The following EIF5B variants were observed in gnomAD, a reference collection of about 807,000 sequenced individuals.
The protein encoded by EIF5B is eIF-5B.
In EIF5B, 47 loss-of-function variants were observed where a neutral mutation model predicts 147.5. The observed-to-expected ratio is 0.32, with a 90% CI of 0.25 to 0.41. The LOEUF is 0.41. EIF5B is among the 10% of genes least tolerant of loss of function. EIF5B has a pLI of 1.00. For missense variants in EIF5B, 1,064 were observed against 1,413.2 expected (o/e 0.75, Z 3.96); for synonymous variants, 455 against 456.2 (o/e 1.00, Z 0.03).
chr2:99,351,396 C>T (rs958374916), intron 1 of EIF5B, among the ~76,000 whole-genome samples: 5 of 152,088 alleles, frequency 3.3e-5, no homozygotes, highest in Non-Finnish European at 7.4e-5. Flanking sequence ...TTCCTGATTT[C>T]GAGTAAAGCT....
At chr2:99,374,499 TTTTAGTATGGATCAG>T (rs1222858581) in intron 9 of EIF5B, among the ~76,000 whole-genome samples, 18 of 152,166 alleles carry the variant, frequency 1.2e-4, no homozygotes, top group African/African-American at 4.3e-4. Flanking sequence ...TTAGAGTTTT[TTTTAGTATGGATCAG>T]TTAGTAAGAC....
intron 14 of EIF5B, among the ~76,000 whole-genome samples, chr2:99,389,427 T>C (rs1674877926): frequency 6.6e-6 from 1 of 152,244 alleles, no homozygotes; most frequent in African/African-American, 2.4e-5. Flanking sequence ...TCCAACAATA[T>C]ACATTAATAG....
At chr2:99,349,608 CA>C (rs1489774590) in intron 1 of EIF5B, among the ~76,000 whole-genome samples, 1 of 152,070 alleles carries the variant, frequency 6.6e-6, no homozygotes, top group Non-Finnish European at 1.5e-5. Flanking sequence ...AAGTTGAGTA[CA>C]TGCCTGCACA....
At chr2:99,365,947 G>C (rs1407245882) in intron 6 of EIF5B, among the ~76,000 whole-genome samples, 2 of 152,030 alleles carry the variant, frequency 1.3e-5, no homozygotes, top group Non-Finnish European at 2.9e-5. Flanking sequence ...TTATTACCTA[G>C]AATATTGTAA....
chr2:99,373,156 G>A (rs544140784), intron 9 of EIF5B, among the ~76,000 whole-genome samples: 14 of 152,200 alleles, frequency 9.2e-5, no homozygotes, highest in African/African-American at 3.1e-4. Flanking sequence ...ATAGGTACAC[G>A]AGCTTTGATT....
At chr2:99,365,553 T>C (rs1036649007) in intron 6 of EIF5B, among the ~76,000 whole-genome samples, 4 of 152,188 alleles carry the variant, frequency 2.6e-5, no homozygotes, top group Admixed American at 2.6e-4. Context: ...TTGGAGAGGC[T>C]AAAAGCACCC....
intron 23 of EIF5B, 115 bp from the exon 24 acceptor site, chr2:99,399,192 T>A (rs1360136635): frequency 1.2e-5 from 13 of 1,040,858 alleles, no homozygotes. Flanking sequence ...GCAAGCCCTG[T>A]TTTTTATTTC....
At chr2:99,339,205 G>A (rs185762984) in intron 1 of EIF5B, among the ~76,000 whole-genome samples, 1 of 151,384 alleles carries the variant, frequency 6.6e-6, no homozygotes, top group Non-Finnish European at 1.5e-5. Flanking sequence ...TAGAGACGGG[G>A]TTACTCCATG....
At chr2:99,346,809 A>G (rs1448268870) in intron 1 of EIF5B, among the ~76,000 whole-genome samples, 6 of 151,168 alleles carry the variant, frequency 4.0e-5, no homozygotes, top group Non-Finnish European at 7.4e-5. Flanking sequence ...TGACCTTGTG[A>G]TCCACCCGCC....
At chr2:99,362,588 A>G (rs1456650225) in intron 4 of EIF5B, among the ~76,000 whole-genome samples, 2 of 151,710 alleles carry the variant, frequency 1.3e-5, no homozygotes, top group Non-Finnish European at 2.9e-5. Context: ...AGTCCCAGCT[A>G]CTCGGGAGGC....
chr2:99,383,485 A>T (rs1425145512), intron 14 of EIF5B, among the ~76,000 whole-genome samples: 2 of 152,184 alleles, frequency 1.3e-5, no homozygotes, highest in African/African-American at 4.8e-5. Context: ...CACACATAGA[A>T]TATCAGTCCA....
At chr2:99,360,023 T>A (rs1195260214) in intron 1 of EIF5B, among the ~76,000 whole-genome samples, 1 of 152,232 alleles carries the variant, frequency 6.6e-6, no homozygotes, top group Non-Finnish European at 1.5e-5. Flanking sequence ...TCATTATCTG[T>A]TCCTTATTTG....
intron 8 of EIF5B, 122 bp downstream of exon 8, chr2:99,369,603 C>A: frequency 1.5e-6 from 1 of 666,616 alleles, no homozygotes; most frequent in Non-Finnish European, 2.4e-6. Context: ...GGCTGGATGG[C>A]CCTCTTTCTT....
chr2:99,394,510 A>T lies in EIF5B; in HGVS notation c.3014A>T (p.Tyr1005Phe). Residue 1005 changes from tyrosine (Y) to phenylalanine (F), a missense_variant and splice_region_variant, in exon 20 of 24, where the codon TAT becomes TTT. Physicochemically the swap from Tyr to Phe is conservative, Grantham distance 22. Coordinates refer to ENST00000289371, the MANE Select transcript of EIF5B (RefSeq NM_015904.4). ...ACATGGAAACTCCCATTTTTTCAGT[A>T]TGCAGGAATTAACATTGGCCCAGTG... Reference protein sequence around the residue: ...LEFLKTSEVPYAGINIGPVHK... With the variant: ...LEFLKTSEVPFAGINIGPVHK... 1.9e-6 allele frequency: 3 copies of T among 1,613,928 alleles called. No homozygotes were observed. Among genetic ancestry groups the T allele is most frequent in the Non-Finnish European group, 1.7e-6 (2 of 1,179,962 alleles).
intron 1 of EIF5B, among the ~76,000 whole-genome samples, chr2:99,344,397 A>G (rs1188801895): frequency 6.8e-6 from 1 of 146,110 alleles, no homozygotes; most frequent in Non-Finnish European, 1.5e-5. Flanking sequence ...CAGTGTTGCC[A>G]CCACAGTTTG....
At chr2:99,360,419 T>C in intron 2 of EIF5B, 46 bp from the exon 3 acceptor site, 3 of 1,600,578 alleles carry the variant, frequency 1.9e-6, no homozygotes, top group Admixed American at 1.7e-5. Context: ...ATTCACTTAA[T>C]AAAAACTATA....
intron 9 of EIF5B, among the ~76,000 whole-genome samples, chr2:99,372,503 T>A (rs1456502326): frequency 3.3e-5 from 5 of 152,186 alleles, no homozygotes; most frequent in Non-Finnish European, 7.3e-5. Flanking sequence ...CACGCCCAGC[T>A]AATTTTGTAT....
chr2:99,372,330 A>G (rs956801755), intron 9 of EIF5B, among the ~76,000 whole-genome samples: 1 of 151,824 alleles, frequency 6.6e-6, no homozygotes, highest in Admixed American at 6.6e-5. Flanking sequence ...GTTTTACAAG[A>G]TTTATTTAGT....
intron 15 of EIF5B, 141 bp from the exon 16 acceptor site, chr2:99,390,078 T>C (rs1674892284): frequency 1.8e-6 from 2 of 1,100,170 alleles, no homozygotes; most frequent in Non-Finnish European, 1.3e-6. Context: ...TTAATGCTTA[T>C]AGGATATACA....
Sources: gnomAD v4.1 joint callset for allele counts (sites outside exome capture counted in the v4.1 genomes callset) on GRCh38, gnomAD v4.1.1 for gene constraint, MANE v1.5 for transcripts, NCBI Gene and HGNC (gene_info 2026-07-23, HGNC 2026-07-21) for gene names.